NEK1: variants seen among roughly 807,000 people sequenced by gnomAD.
The protein encoded by NEK1 is NIMA related kinase 1, also known as serine/threonine-protein kinase Nek1.
In NEK1, 137 loss-of-function variants were observed where a neutral mutation model predicts 182.1. That is an observed-to-expected ratio of 0.75 (90% CI 0.65 to 0.87). The LOEUF (loss-of-function observed/expected upper bound fraction) is 0.87. Ranked by LOEUF, NEK1 falls within the 40% of genes least tolerant of loss-of-function variation. The probability of loss-of-function intolerance (pLI) is 0.00; values close to 1 mark genes in which losing one functional copy is unlikely to be tolerated. For synonymous variants in NEK1, 513 were observed against 492.2 expected, an observed-to-expected ratio of 1.04 and a Z score of -0.56; for missense variants, 1,391 against 1,494.4, an observed-to-expected ratio of 0.93 and a Z score of 1.14.
At position 169,555,813 on chromosome 4, in the gene NEK1, C is replaced by T. The variant is rs1762081398; in HGVS notation, c.1469G>A (p.Gly490Glu). The change falls in exon 18 of 36, where the codon GGG becomes GAG. Residue 490 changes from glycine to glutamate, a missense_variant. Physicochemically the swap from Gly to Glu is moderately conservative, Grantham distance 98. Transcript: ENST00000507142. ...AGGAAAATGGTGATGACCTGCAGCCCCATAAGGAAATCCTGGACGAACTCC... is the reference window on the plus strand; with the variant it reads ...AGGAAAATGGTGATGACCTGCAGCCTCATAAGGAAATCCTGGACGAACTCC... ...LPGVRPGFPY[G>E]AAGHHHFPDA... is the part of the protein sequence containing the mutation. 1.9e-6 allele frequency: 3 copies of T among 1,613,824 alleles called. No homozygotes were observed. In the Admixed American group the frequency reaches 5.0e-5, roughly 27 times the overall value.
Position 169,400,533 on chromosome 4 carries a change from A to C in NEK1, c.3702T>G (p.Tyr1234Ter). The C allele has an allele frequency of 6.2e-7, 1 of 1,601,730 alleles. No homozygotes were observed. Among genetic ancestry groups the C allele is most frequent in the Non-Finnish European group, 8.5e-7 (1 of 1,175,888 alleles). ...EMGFEKFFEVYEKIKAIHEDE... is the reference protein window; with the variant it reads ...EMGFEKFFEV ...ACTTTTCACTTACCTTTATTTTCTC[A>C]TAAACCTCAAAGAATTTTTCAAAGC... Residue 1234 changes from tyrosine to a stop codon, truncating the protein, a stop_gained, in exon 34 of 36, where the codon TAT becomes TAG. Coordinates refer to ENST00000507142, the MANE Select transcript of NEK1 (RefSeq NM_001199397.3). LOFTEE classifies it high-confidence loss of function.
chr4:169,572,124 A>G (rs1176880176), intron 12 of NEK1, among the ~76,000 whole-genome samples: 1 of 152,118 alleles, frequency 6.6e-6, no homozygotes, highest in African/African-American at 2.4e-5. Flanking sequence ...CTTCCATCAT[A>G]AAAGGAACAT....
intron 31 of NEK1, among the ~76,000 whole-genome samples, chr4:169,414,375 T>C (rs952497795): frequency 2.6e-5 from 4 of 152,192 alleles, no homozygotes; most frequent in Non-Finnish European, 5.9e-5. Context: ...CTCATATTAG[T>C]AATCTCTTTC....
intron 23 of NEK1, among the ~76,000 whole-genome samples, chr4:169,496,348 A>C (rs1339598835): frequency 6.6e-6 from 1 of 151,512 alleles, no homozygotes; most frequent in African/African-American, 2.4e-5. Flanking sequence ...GTCATCTGCA[A>C]ACAGGGACAA....
chr4:169,458,999 C>T (rs185890633), intron 27 of NEK1, among the ~76,000 whole-genome samples: 13 of 151,620 alleles, frequency 8.6e-5, no homozygotes, highest in Non-Finnish European at 1.2e-4. Flanking sequence ...TTTGGATTTA[C>T]GGATTAGAGA....
In NEK1 at chr4:169,537,334, T is replaced by A. The variant is rs149851128; in HGVS notation, c.1665+475A>T. ...TTAGTTAAATGGCATAACTGGAGACTTTACTAAAATTCTACTTCTAATTTG... is the reference window on the plus strand; with the variant it reads ...TTAGTTAAATGGCATAACTGGAGACATTACTAAAATTCTACTTCTAATTTG... On this transcript the variant is annotated intron_variant, in intron 19 of 35. Transcript: ENST00000507142. Among the ~76,000 whole-genome samples the A allele has an allele frequency of 1.0e-3, 158 of 152,362 alleles. 1 individual carries two copies. The highest frequency in any genetic ancestry group is 6.2e-3 in the East Asian group (32 of 5,194).
At chr4:169,471,206 G>A (rs1329070266) in intron 26 of NEK1, among the ~76,000 whole-genome samples, 2 of 152,260 alleles carry the variant, frequency 1.3e-5, no homozygotes, top group African/African-American at 4.8e-5. Flanking sequence ...GAGGCATTCT[G>A]GTTTTGGGAA....
At chr4:169,471,015 G>GCAATT (rs1745856734) in intron 26 of NEK1, among the ~76,000 whole-genome samples, 2 of 151,982 alleles carry the variant, frequency 1.3e-5, no homozygotes, top group African/African-American at 4.8e-5. Flanking sequence ...TCTAGTGATA[G>GCAATT]TTCCTGTAAC....
chr4:169,429,057 T>C (rs187184157), intron 29 of NEK1, among the ~76,000 whole-genome samples: 4 of 137,362 alleles, frequency 2.9e-5, no homozygotes, highest in East Asian at 4.3e-4. Flanking sequence ...CAAATGTGGA[T>C]TGAAAATACT....
chr4:169,489,051 G>C (rs1749571206), intron 23 of NEK1, among the ~76,000 whole-genome samples: 1 of 152,120 alleles, frequency 6.6e-6, no homozygotes, highest in Admixed American at 6.5e-5. Context: ...CAGGTATTCT[G>C]ATTCCCAGTC....
chr4:169,597,376 G>C (rs10461329), intron 5 of NEK1, among the ~76,000 whole-genome samples: 18,591 of 152,134 alleles, frequency 0.12, 1,268 homozygotes, highest in East Asian at 0.17. Context: ...CACTTTGAGA[G>C]GCCAAGGTAG....
chr4:169,486,768 G>A (rs1749110033), intron 23 of NEK1, among the ~76,000 whole-genome samples: 1 of 152,182 alleles, frequency 6.6e-6, no homozygotes, highest in African/African-American at 2.4e-5. Flanking sequence ...GAGCCTTACA[G>A]GCGTGCATGG....
intron 28 of NEK1, 129 bp downstream of exon 28, chr4:169,437,954 A>T: frequency 4.2e-6 from 3 of 715,164 alleles, no homozygotes; most frequent in Non-Finnish European, 6.3e-6. Flanking sequence ...CTAAAAATAT[A>T]AAAATACTGA....
intron 5 of NEK1, among the ~76,000 whole-genome samples, chr4:169,597,929 G>A (rs1015395716): frequency 2.0e-5 from 3 of 151,486 alleles, no homozygotes; most frequent in South Asian, 2.1e-4. Context: ...GTGAGACTCC[G>A]TCTCAAAAAA....
At chr4:169,550,454 C>A (rs1416244153) in intron 18 of NEK1, among the ~76,000 whole-genome samples, 1 of 152,172 alleles carries the variant, frequency 6.6e-6, no homozygotes, top group African/African-American at 2.4e-5. Context: ...CCAAACTGTC[C>A]AGCTTCAACT....
In NEK1 at chr4:169,433,773, C is replaced by A. The variant is rs542022851; in HGVS notation, c.2765-108G>T. 8 of 1,090,152 alleles carry A rather than the reference C, an allele frequency of 7.3e-6. No individual in the cohort carries two copies. In the South Asian group the frequency reaches 1.1e-4, roughly 15 times the overall value. 67.5% of individuals were successfully genotyped at this position (1,090,152 alleles called of 1,614,324 possible). On this transcript the variant is annotated intron_variant, in intron 28 of 35. Coordinates refer to ENST00000507142, the MANE Select transcript of NEK1 (RefSeq NM_001199397.3). The stretch of plus-strand genomic sequence containing the variant: ...CTACCTAGTTTTAGGGTAATATATT[C>A]ATTAAAACAGAAAAATTAAGTATTC...
At chr4:169,540,561 T>C (rs1259733946) in intron 18 of NEK1, among the ~76,000 whole-genome samples, 1 of 152,138 alleles carries the variant, frequency 6.6e-6, no homozygotes, top group African/African-American at 2.4e-5. Context: ...TACTTCTTGA[T>C]AGTAATTTTC....
chr4:169,493,849 G>C (rs1480020860), intron 23 of NEK1, among the ~76,000 whole-genome samples: 3 of 152,130 alleles, frequency 2.0e-5, no homozygotes, highest in Non-Finnish European at 1.5e-5. Flanking sequence ...CAGAAAGTAA[G>C]GAAACTGGAA....
At chr4:169,467,501 GAAT>G (rs1174105795) in intron 26 of NEK1, among the ~76,000 whole-genome samples, 2 of 151,788 alleles carry the variant, frequency 1.3e-5, no homozygotes, top group Non-Finnish European at 2.9e-5. Flanking sequence ...AGGTAAAATG[GAAT>G]AATAAAAAAT....
Sources: gnomAD v4.1 joint callset for allele counts (sites outside exome capture counted in the v4.1 genomes callset) on GRCh38, gnomAD v4.1.1 for gene constraint, MANE v1.5 for transcripts, NCBI Gene and HGNC (gene_info 2026-07-23, HGNC 2026-07-21) for gene names.